Variants in CCDC77 observed in about 807,000 individuals in gnomAD.
The protein encoded by CCDC77 is coiled-coil domain-containing protein 77.
A neutral mutation model predicts 66.8 loss-of-function variants in CCDC77; 56 were observed. That is an observed-to-expected ratio of 0.84 (90% confidence interval 0.68 to 1.05). CCDC77 has a LOEUF of 1.05. Among genes scored for constraint, CCDC77 ranks in the 50% least tolerant of loss-of-function variants. The pLI is 0.00. For synonymous variants in CCDC77, 196 were observed against 195.2 expected (o/e 1.00, Z -0.03); for missense variants, 570 against 576.8 (o/e 0.99, Z 0.12).
intron 4 of CCDC77, among the ~76,000 whole-genome samples, chr12:414,913 G>T (rs535431027): frequency 6.6e-6 from 1 of 152,168 alleles, no homozygotes; most frequent in South Asian, 2.1e-4. Context: ...ATCCCCAGTT[G>T]GCCTCACACT....
Position 409,747 on chromosome 12 carries a change from G to A in CCDC77, c.38+326G>A, listed in dbSNP as rs149694410. On this transcript the variant is annotated intron_variant, in intron 3 of 12. Transcript: ENST00000239830. ...ACGGTGGCTCACTCCTGTAATCCCA[G>A]CACTTTGGGAGGCTGAGGTGGGCAG... The A allele has an allele frequency of 1.2e-3, 225 of 191,428 alleles. 3 individuals carry two copies. The highest frequency in any genetic ancestry group is 4.9e-3 in the African/African-American group (206 of 42,404). The allele number at this position is 191,428 out of a possible 1,614,324, so 11.9% of individuals were successfully genotyped here. A position where few individuals can be genotyped will look rare whatever the true frequency, so the allele number is the denominator to read the frequency against.
intron 1 of CCDC77, among the ~76,000 whole-genome samples, chr12:393,005 A>G (rs140382325): frequency 0.012 from 1,029 of 86,714 alleles, 36 homozygotes; most frequent in Admixed American, 0.099. Flanking sequence ...GAGCTGGATT[A>G]TCATATCTGT....
rs1945328109 is a variant in CCDC77, at chr12:418,482, G to T, written c.271-12G>T. The T allele has an allele frequency of 1.2e-6, 2 of 1,613,694 alleles. No homozygotes were observed. Among genetic ancestry groups the T allele is most frequent in the South Asian group, 1.1e-5 (1 of 91,056 alleles). The stretch of plus-strand genomic sequence containing the variant: ...AGTGTCTTTCAACTATCTTATTGTG[G>T]TTTTTTTGCAGCATAAACTTGAATG... On this transcript the variant is annotated splice_polypyrimidine_tract_variant and intron_variant, in intron 4 of 12. Coordinates refer to ENST00000239830, the MANE Select transcript of CCDC77 (RefSeq NM_032358.4).
At chr12:413,208 G>C (rs1211396154) in intron 4 of CCDC77, among the ~76,000 whole-genome samples, 4 of 150,060 alleles carry the variant, frequency 2.7e-5, no homozygotes, top group Non-Finnish European at 4.4e-5. Context: ...AAAGTGCTGG[G>C]ATTACAGGAG....
Position 418,679 on chromosome 12 carries a change from TTACA to T in CCDC77, c.413+45_413+48del, listed in dbSNP as rs764812259. 44 of 1,559,690 alleles carry T rather than the reference TTACA, an allele frequency of 2.8e-5. No homozygotes were observed. In the Admixed American group the frequency reaches 5.6e-4, roughly 20 times the overall value. On this transcript the variant is annotated intron_variant, in intron 5 of 12. Coordinates refer to ENST00000239830, the MANE Select transcript of CCDC77 (RefSeq NM_032358.4). ...GGAAATGTTGGAGTTTAACTTTAAATTACATTCATTCATTCATTCATTCATTCAT... is the reference window on the plus strand; with the variant it reads ...GGAAATGTTGGAGTTTAACTTTAAATTTCATTCATTCATTCATTCATTCAT...
upstream of CCDC77, among the ~76,000 whole-genome samples, chr12:398,682 A>AAACT (rs1374999455): frequency 1.3e-5 from 2 of 152,100 alleles, no homozygotes; most frequent in East Asian, 3.9e-4. Context: ...AACTTCTTCC[A>AAACT]AACTCCTGTT....
In CCDC77 at chr12:412,444, G is replaced by A. The variant is rs374660366; in HGVS notation, c.270+466G>A. Among the ~76,000 whole-genome samples the A allele has an allele frequency of 2.6e-3, 395 of 152,318 alleles. 2 individuals are homozygous for A. Among genetic ancestry groups the A allele is most frequent in the African/African-American group, 9.1e-3 (377 of 41,584 alleles). ...GTGGCATCATCCAGTTCTCTGCCAC[G>A]TGTTCTCCTATAGCAGGATTTCTTA... On this transcript the variant is annotated intron_variant, in intron 4 of 12. Transcript: ENST00000239830.
chr12:429,858 A>G (rs190289046), intron 6 of CCDC77, among the ~76,000 whole-genome samples: 3 of 152,302 alleles, frequency 2.0e-5, no homozygotes, highest in African/African-American at 7.2e-5. Context: ...GGGCTTAAGC[A>G]CCATCCTTCC....
intron 4 of CCDC77, among the ~76,000 whole-genome samples, chr12:414,218 A>G (rs1161099707): frequency 6.6e-6 from 1 of 151,354 alleles, no homozygotes; most frequent in African/African-American, 2.4e-5. Context: ...CAGCCTCCCA[A>G]ATAGCTGGGA....
chr12:412,084 C>A, intron 4 of CCDC77, 106 bp downstream of exon 4: 1 of 850,302 alleles, frequency 1.2e-6, no homozygotes, highest in Non-Finnish European at 1.8e-6. Flanking sequence ...TATAAAAATA[C>A]TCCTTTTTTA....
chr12:415,348 T>C (rs993395331), intron 4 of CCDC77, among the ~76,000 whole-genome samples: 1 of 99,586 alleles, frequency 1.0e-5, no homozygotes, highest in African/African-American at 3.7e-5. Flanking sequence ...GTTAATATAA[T>C]CAACATAATA....
Position 433,211 on chromosome 12 carries a change from A to G in CCDC77, c.710A>G (p.Lys237Arg), listed in dbSNP as rs142267796. The G allele has an allele frequency of 4.5e-5, 73 of 1,614,102 alleles. No homozygotes were observed. The highest frequency in any genetic ancestry group is 2.5e-4 in the African/African-American group (19 of 75,008). The change falls in exon 9 of 13, where the codon AAA becomes AGA. Residue 237 changes from lysine (K) to arginine (R), a missense_variant. Lys to Arg is a conservative substitution (Grantham distance 26). Coordinates refer to ENST00000239830, the MANE Select transcript of CCDC77 (RefSeq NM_032358.4). ...ALQAQLGEQTKLSREQIEGLI... is the reference protein window; with the variant it reads ...ALQAQLGEQTRLSREQIEGLI... Reference sequence around the variant, plus strand: ...CAGGCTCAGCTGGGAGAGCAGACCAAACTTTCTCGAGAACAAATTGAAGGG... The same window carrying G: ...CAGGCTCAGCTGGGAGAGCAGACCAGACTTTCTCGAGAACAAATTGAAGGG...
intron 1 of CCDC77, among the ~76,000 whole-genome samples, chr12:405,253 G>A (rs1242591399): frequency 6.6e-6 from 1 of 152,240 alleles, no homozygotes; most frequent in East Asian, 1.9e-4. Flanking sequence ...AATCTGTAGA[G>A]ACAGTAGGTT....
rs1565572220 is a variant in CCDC77 at position 423,484 on chromosome 12, T to TGTTG, written c.413+4848_413+4849insGTTG. 5.9e-5 allele frequency among the ~76,000 whole-genome samples: 2 copies of TGTTG among 33,722 alleles called. 1 individual carries two copies. Among genetic ancestry groups the TGTTG allele is most frequent in the Non-Finnish European group, 1.2e-4 (2 of 16,392 alleles). The allele number at this position is 33,722 out of a possible 152,430, so 22.1% of individuals were successfully genotyped here. A position where few individuals can be genotyped will look rare whatever the true frequency, so the allele number is the denominator to read the frequency against. ...GTGTTTTTTGTGTTTTTTGTGTTTTTTTTTGTTTTGTTTTTTTTTTTTTTT... is the reference window on the plus strand; with the variant it reads ...GTGTTTTTTGTGTTTTTTGTGTTTTTGTTGTTTTGTTTTGTTTTTTTTTTTTTTT... On this transcript the variant is annotated intron_variant, in intron 5 of 12. Transcript: ENST00000239830.
At chr12:413,260 A>G (rs1459945173) in intron 4 of CCDC77, among the ~76,000 whole-genome samples, 52 of 128,232 alleles carry the variant, frequency 4.1e-4, no homozygotes, top group Non-Finnish European at 7.4e-4. Context: ...TTTTTGAGAC[A>G]GCGTCTTACT....
At chr12:390,141 AAAATC>A (rs1406212826) in intron 1 of CCDC77, 1 of 151,982 alleles carries the variant, frequency 6.6e-6, no homozygotes, top group Non-Finnish European at 1.5e-5. Context: ...AAAAAAAAAA[AAAATC>A]AAGAAATAAT....
In CCDC77 at chr12:411,939, G is replaced by A. The variant is rs773688992; in HGVS notation, c.231G>A (p.Leu77=). The change falls in exon 4 of 13, where the codon CTG becomes CTA. Residue 77 remains leucine, a synonymous_variant. Coordinates refer to ENST00000239830, the MANE Select transcript of CCDC77 (RefSeq NM_032358.4). ...AECEAENEDL[L]KKLELYKEAC... ...GTGAGGCAGAAAATGAGGACTTGCT[G>A]AAGAAACTGGAACTCTACAAAGAAG... 6.2e-7 allele frequency: 1 copy of A among 1,613,990 alleles called. No individual in the cohort carries two copies. The highest frequency in any genetic ancestry group is 8.5e-7 in the Non-Finnish European group (1 of 1,179,996).
chr12:437,305 G>T (rs543550049), intron 9 of CCDC77, among the ~76,000 whole-genome samples: 3 of 152,282 alleles, frequency 2.0e-5, no homozygotes, highest in African/African-American at 7.2e-5. Flanking sequence ...TTAACTGCCT[G>T]TGTATGTCCA....
At chr12:421,529 A>AAT (rs577936642) in intron 5 of CCDC77, among the ~76,000 whole-genome samples, 2 of 5,690 alleles carry the variant, frequency 3.5e-4, no homozygotes, top group Non-Finnish European at 5.4e-4. Flanking sequence ...GAGAGGGTAA[A>AAT]ACACACATAG....
Sources: gnomAD v4.1 joint callset for allele counts (sites outside exome capture counted in the v4.1 genomes callset) on GRCh38, gnomAD v4.1.1 for gene constraint, MANE v1.5 for transcripts, NCBI Gene and HGNC (gene_info 2026-07-23, HGNC 2026-07-21) for gene names.